Variants in GABRG1 observed in about 807,000 individuals in gnomAD.
GABRG1 encodes gamma-aminobutyric acid type A receptor subunit gamma1.
In GABRG1, 49 loss-of-function variants were observed where a neutral mutation model predicts 49.8. The observed-to-expected ratio is 0.98, with a 90% confidence interval of 0.78 to 1.25. The LOEUF is 1.25. Ranked by LOEUF, GABRG1 falls within the 50% of genes most tolerant of loss-of-function variation. GABRG1 has a pLI of 0.00. For synonymous variants in GABRG1, 232 were observed against 185.1 expected, an observed-to-expected ratio of 1.25 and a Z score of -2.06; for missense variants, 552 against 552.3, an observed-to-expected ratio of 1.00 and a Z score of 0.01.
intron 3 of GABRG1, among the ~76,000 whole-genome samples, chr4:46,076,624 G>A (rs1023141120): frequency 7.3e-5 from 11 of 151,432 alleles, no homozygotes; most frequent in Non-Finnish European, 1.5e-4. Flanking sequence ...ATTTATGATA[G>A]TCATGAGCTG....
At position 46,040,240 on chromosome 4, in the gene GABRG1, C is replaced by T. The variant is rs1395997030; in HGVS notation, c.*748G>A. The T allele has an allele frequency of 2.0e-5, 3 of 151,968 alleles. No individual in the cohort carries two copies. The highest frequency in any genetic ancestry group is 2.1e-4 in the South Asian group (1 of 4,826). The allele number at this position is 151,968 out of a possible 1,614,324, so 9.4% of individuals were successfully genotyped here. Reference sequence around the variant, plus strand: ...ATCATACATTATAAATGCTATGAAGCAGAGAATAAAATGGTTAGATTTTAC... The same window carrying T: ...ATCATACATTATAAATGCTATGAAGTAGAGAATAAAATGGTTAGATTTTAC... On this transcript the variant is annotated 3_prime_UTR_variant, in exon 9 of 9. Transcript: ENST00000295452.
intron 8 of GABRG1, among the ~76,000 whole-genome samples, chr4:46,045,125 A>T (rs561644081): frequency 6.6e-6 from 1 of 152,216 alleles, no homozygotes; most frequent in East Asian, 1.9e-4. Context: ...GAAAAGTGAA[A>T]ATGAACAGCT....
intron 1 of GABRG1, among the ~76,000 whole-genome samples, chr4:46,118,087 T>C (rs1255318021): frequency 1.4e-5 from 2 of 142,544 alleles, no homozygotes; most frequent in South Asian, 2.1e-4. Context: ...TATATATACA[T>C]ATGTATACAT....
At chr4:46,116,342 T>A (rs1335283873) in intron 1 of GABRG1, among the ~76,000 whole-genome samples, 1 of 150,898 alleles carries the variant, frequency 6.6e-6, no homozygotes, top group Non-Finnish European at 1.5e-5. Context: ...TTCTCCATTT[T>A]TAAGTTCATT....
At chr4:46,052,180 G>C (rs1187382770) in intron 7 of GABRG1, among the ~76,000 whole-genome samples, 1 of 151,448 alleles carries the variant, frequency 6.6e-6, no homozygotes, top group Non-Finnish European at 1.5e-5. Context: ...GAGAAAGCCA[G>C]AAGGAGACTG....
At chr4:46,095,109 T>TA in intron 2 of GABRG1, among the ~76,000 whole-genome samples, 1 of 151,750 alleles carries the variant, frequency 6.6e-6, no homozygotes, top group East Asian at 2.0e-4. Context: ...GGTTGAACTT[T>TA]AAAAAATAGA....
At chr4:46,051,323 C>G in intron 8 of GABRG1, 101 bp downstream of exon 8, 1 of 859,750 alleles carries the variant, frequency 1.2e-6, no homozygotes, top group Non-Finnish European at 1.8e-6. Flanking sequence ...GGTTATGGGT[C>G]TCAAGCGTCC....
At chr4:46,091,779 C>T (rs948584836) in intron 2 of GABRG1, among the ~76,000 whole-genome samples, 7 of 151,904 alleles carry the variant, frequency 4.6e-5, no homozygotes, top group Non-Finnish European at 8.8e-5. Flanking sequence ...AAATACAGGC[C>T]GAGAATTTCA....
At chr4:46,052,188 C>G (rs1452054624) in intron 7 of GABRG1, among the ~76,000 whole-genome samples, 2 of 151,254 alleles carry the variant, frequency 1.3e-5, no homozygotes, top group African/African-American at 4.9e-5. Flanking sequence ...CAGAAGGAGA[C>G]TGAGTCTCTC....
At chr4:46,056,268 A>G (rs1302288055) in intron 7 of GABRG1, among the ~76,000 whole-genome samples, 5 of 151,680 alleles carry the variant, frequency 3.3e-5, no homozygotes, top group African/African-American at 1.2e-4. Context: ...CCCCTTCTCC[A>G]AATTTATTTT....
chr4:46,060,255 G>A (rs577888219), intron 5 of GABRG1, among the ~76,000 whole-genome samples: 1 of 117,872 alleles, frequency 8.5e-6, no homozygotes, highest in East Asian at 2.2e-4. Flanking sequence ...TTCGGTGGTT[G>A]TATGTGTGTG....
intron 7 of GABRG1, among the ~76,000 whole-genome samples, chr4:46,056,328 CA>C (rs1718448598): frequency 6.6e-6 from 1 of 151,850 alleles, no homozygotes; most frequent in Non-Finnish European, 1.5e-5. Flanking sequence ...TTCTGAACCC[CA>C]AAGCATGGCA....
At chr4:46,057,711 A>T (rs1171671765) in intron 7 of GABRG1, among the ~76,000 whole-genome samples, 1 of 152,120 alleles carries the variant, frequency 6.6e-6, no homozygotes, top group Non-Finnish European at 1.5e-5. Context: ...TATACATGAC[A>T]GAAGCCACAG....
At chr4:46,084,148 T>C (rs1008404998) in intron 2 of GABRG1, 95 bp from the exon 3 acceptor site, 2 of 657,166 alleles carry the variant, frequency 3.0e-6, no homozygotes, top group African/African-American at 3.8e-5. Context: ...ACTACTTATA[T>C]ATTAACACTT....
intron 1 of GABRG1, among the ~76,000 whole-genome samples, chr4:46,108,891 TC>T (rs1346212899): frequency 2.6e-5 from 4 of 151,100 alleles, no homozygotes; most frequent in African/African-American, 9.7e-5. Context: ...TTAAAAAGTC[TC>T]CTTTGGGTTT....
At chr4:46,083,886 C>T (rs1719661344) in intron 3 of GABRG1, 100 bp downstream of exon 3, 14 of 718,394 alleles carry the variant, frequency 1.9e-5, no homozygotes, top group Non-Finnish European at 2.7e-5. Flanking sequence ...TGAATTCATT[C>T]AGAATTAACT....
At chr4:46,098,828 G>A (rs897072646) in intron 1 of GABRG1, among the ~76,000 whole-genome samples, 6 of 151,572 alleles carry the variant, frequency 4.0e-5, no homozygotes, top group African/African-American at 1.2e-4. Context: ...CATCTGCTTT[G>A]TAGGCTCTCT....
chr4:46,120,006 G>T (rs1721048994), intron 1 of GABRG1, among the ~76,000 whole-genome samples: 1 of 151,570 alleles, frequency 6.6e-6, no homozygotes. Flanking sequence ...TCTTTGCACA[G>T]ATTTTCTTTC....
intron 3 of GABRG1, among the ~76,000 whole-genome samples, chr4:46,072,130 G>T (rs1719150608): frequency 6.6e-6 from 1 of 151,942 alleles, no homozygotes; most frequent in African/African-American, 2.4e-5. Flanking sequence ...ATATGCAAAT[G>T]CTTATTGTGT....
Sources: gnomAD v4.1 joint callset for allele counts (sites outside exome capture counted in the v4.1 genomes callset) on GRCh38, gnomAD v4.1.1 for gene constraint, MANE v1.5 for transcripts, NCBI Gene and HGNC (gene_info 2026-07-23, HGNC 2026-07-21) for gene names.